The following ACOXL variants were observed in gnomAD, a reference collection of about 807,000 sequenced individuals.
ACOXL encodes the protein acyl-coenzyme A oxidase-like protein.
A neutral mutation model predicts 71.9 loss-of-function variants in ACOXL; 70 were observed. The observed-to-expected ratio is 0.97, with a 90% confidence interval of 0.80 to 1.19. The LOEUF (loss-of-function observed/expected upper bound fraction) is 1.19. Among genes scored for constraint, ACOXL ranks in the 50% most tolerant of loss-of-function variants. ACOXL has a pLI of 0.00. For synonymous variants in ACOXL, 253 were observed against 281.6 expected (o/e 0.90, Z 1.02); for missense variants, 703 against 736.3 (o/e 0.95, Z 0.52).
intron 14 of ACOXL, among the ~76,000 whole-genome samples, chr2:111,000,060 G>A (rs1325337085): frequency 6.7e-6 from 1 of 150,250 alleles, no homozygotes; most frequent in South Asian, 2.1e-4. Context: ...AAATGGGAGT[G>A]TGGGTTTGCA....
intron 12 of ACOXL, among the ~76,000 whole-genome samples, chr2:110,957,902 CA>C: frequency 6.7e-6 from 1 of 149,520 alleles, no homozygotes; most frequent in East Asian, 2.0e-4. Context: ...ACTAAAAATA[CA>C]AAAAAAAAGG....
At chr2:110,969,537 G>A (rs1028733299) in intron 12 of ACOXL, among the ~76,000 whole-genome samples, 1 of 152,110 alleles carries the variant, frequency 6.6e-6, no homozygotes, top group South Asian at 2.1e-4. Flanking sequence ...GTTGCCAGTC[G>A]TGGTGGCTCA....
intron 15 of ACOXL, among the ~76,000 whole-genome samples, chr2:111,043,009 T>C (rs1310732467): frequency 6.6e-6 from 1 of 152,196 alleles, no homozygotes; most frequent in Non-Finnish European, 1.5e-5. Flanking sequence ...GATCCCAGTG[T>C]TCGGAGCAGA....
intron 12 of ACOXL, chr2:110,963,522 A>G: frequency 7.3e-7 from 1 of 1,370,488 alleles, no homozygotes; most frequent in Non-Finnish European, 9.5e-7. Context: ...TTAATTTTAA[A>G]GAAAATGTGA....
intron 11 of ACOXL, among the ~76,000 whole-genome samples, chr2:110,916,909 G>A (rs142678105): frequency 0.14 from 21,930 of 152,106 alleles, 1,680 homozygotes; most frequent in South Asian, 0.22. Context: ...AATTGAGGCA[G>A]TAATTAATAG....
intron 9 of ACOXL, among the ~76,000 whole-genome samples, chr2:110,828,637 C>T (rs2612699): frequency 0.18 from 27,090 of 152,202 alleles, 2,885 homozygotes; most frequent in Middle Eastern, 0.31. Context: ...TCAGCCTTCT[C>T]AACAAGCCTG....
At chr2:111,061,341 G>A (rs1437854859) in intron 16 of ACOXL, among the ~76,000 whole-genome samples, 1 of 151,914 alleles carries the variant, frequency 6.6e-6, no homozygotes. Context: ...AAACCACAGG[G>A]GTCAGAAGAA....
chr2:110,882,614 A>G (rs925338579), intron 10 of ACOXL, among the ~76,000 whole-genome samples: 14 of 152,160 alleles, frequency 9.2e-5, no homozygotes, highest in Admixed American at 5.2e-4. Flanking sequence ...TAGGTTTTAC[A>G]TTTAAGTTAA....
chr2:110,865,613 TGATA>T (rs1694493330), intron 10 of ACOXL, among the ~76,000 whole-genome samples: 1 of 152,214 alleles, frequency 6.6e-6, no homozygotes. Context: ...ATTTTACAAG[TGATA>T]GATGGAGCAC....
rs532559679 is a variant in ACOXL at position 110,794,147 on chromosome 2, C to G, written c.318C>G (p.Thr106=). 7 of 1,614,126 alleles carry G rather than the reference C, an allele frequency of 4.3e-6. No individual in the cohort carries two copies. In the South Asian group the frequency reaches 7.7e-5, roughly 18 times the overall value. ...GGAGCAACGCGAGAGGGATCCAGAC[C>G]GAAGCCACCTTTGACCTCTCTGCCC... The part of the protein sequence containing the change: ...GHGSNARGIQ[T]EATFDLSAQE... The change falls in exon 5 of 18, where the codon ACC becomes ACG. Residue 106 remains threonine (T), a synonymous_variant. Transcript: ENST00000439055.
chr2:111,004,264 A>G (rs972127867), intron 14 of ACOXL, among the ~76,000 whole-genome samples: 1 of 152,100 alleles, frequency 6.6e-6, no homozygotes, highest in Non-Finnish European at 1.5e-5. Context: ...CTTTCTAGTA[A>G]TGGTCTTTAA....
intron 14 of ACOXL, among the ~76,000 whole-genome samples, chr2:111,011,751 T>TA (rs1388159631): frequency 6.6e-6 from 1 of 151,804 alleles, no homozygotes; most frequent in Non-Finnish European, 1.5e-5. Context: ...GGTGTGGTGG[T>TA]AACACAGCTG....
At chr2:111,101,632 T>C (rs1288730959) in intron 17 of ACOXL, among the ~76,000 whole-genome samples, 2 of 151,594 alleles carry the variant, frequency 1.3e-5, no homozygotes, top group African/African-American at 4.9e-5. Context: ...TAGACTTCTG[T>C]TTTTCTCTGT....
Position 110,961,804 on chromosome 2 carries a change from T to A in ACOXL, c.1060-25304T>A, listed in dbSNP as rs140398988. Among the ~76,000 whole-genome samples, 717 of 152,252 alleles carry A rather than the reference T, an allele frequency of 4.7e-3. 7 individuals are homozygous for A. The highest frequency in any genetic ancestry group is 0.016 in the African/African-American group (685 of 41,540). On this transcript the variant is annotated intron_variant, in intron 12 of 17. Coordinates refer to ENST00000439055, the MANE Select transcript of ACOXL (RefSeq NM_001142807.4). The stretch of plus-strand genomic sequence containing the variant: ...ATGGAGGAAGAGCAAAGTCACGTCT[T>A]ACATGGTGGCAGGCAAGAGGGCACG...
intron 10 of ACOXL, among the ~76,000 whole-genome samples, chr2:110,871,140 A>G (rs987005314): frequency 2.9e-4 from 44 of 152,286 alleles, no homozygotes; most frequent in African/African-American, 1.0e-3. Context: ...ACGGGATGTC[A>G]TTTGATAGGA....
chr2:110,976,511 A>G (rs888536547), intron 12 of ACOXL, among the ~76,000 whole-genome samples: 1 of 152,246 alleles, frequency 6.6e-6, no homozygotes, highest in Admixed American at 6.5e-5. Context: ...CAAATGCACT[A>G]TAAGTTCACT....
At chr2:110,839,395 C>T (rs1384671735) in intron 9 of ACOXL, among the ~76,000 whole-genome samples, 1 of 152,122 alleles carries the variant, frequency 6.6e-6, no homozygotes, top group Non-Finnish European at 1.5e-5. Context: ...TATTTCTTTC[C>T]CAAAGTAATT....
At chr2:111,106,417 CT>C (rs143791406) in intron 17 of ACOXL, among the ~76,000 whole-genome samples, 10,866 of 150,146 alleles carry the variant, frequency 0.072, 521 homozygotes, top group Non-Finnish European at 0.11. Context: ...TTTGCTGAAA[CT>C]TTTTTTTTTC....
At chr2:111,061,846 C>T (rs2066832571) in intron 16 of ACOXL, among the ~76,000 whole-genome samples, 1 of 151,738 alleles carries the variant, frequency 6.6e-6, no homozygotes, top group African/African-American at 2.4e-5. Context: ...GAGAGATGCA[C>T]CCCAAAGCAC....
Sources: allele counts gnomAD v4.1 joint callset (sites outside exome capture counted in the v4.1 genomes callset), GRCh38; gene constraint gnomAD v4.1.1; transcripts MANE v1.5; gene names NCBI Gene and HGNC (gene_info 2026-07-23, HGNC 2026-07-21).